Variants in CC2D1A observed in about 807,000 individuals in gnomAD.
The protein encoded by CC2D1A is coiled-coil and C2 domain containing 1A, also known as coiled-coil and C2 domain-containing protein 1A.
Under a neutral mutation model 123.8 loss-of-function variants are expected in CC2D1A, and 68 were observed. That is an observed-to-expected ratio of 0.55 (90% CI 0.45 to 0.67). The LOEUF is 0.67. Ranked by LOEUF, CC2D1A falls within the 30% of genes least tolerant of loss-of-function variation. The pLI is 0.00. For missense variants in CC2D1A, 1,185 were observed against 1,290.3 expected (o/e 0.92, Z 1.25); for synonymous variants, 477 against 528.0 (o/e 0.90, Z 1.32).
In CC2D1A at chr19:13,913,422, G is replaced by T. The variant is rs553083730; in HGVS notation, c.532G>T (p.Ala178Ser). The T allele has an allele frequency of 1.2e-6, 2 of 1,614,050 alleles. No homozygotes were observed. Among genetic ancestry groups the T allele is most frequent in the Middle Eastern group, 1.6e-4 (1 of 6,062 alleles). ...ATCTTAGACACTGGAAAACCTGCTC[G>T]CCTCCATCCGTAAGGGCAATGCCAT... ...RGLKTLENLLASIRKGNAIDE... is the reference protein window; with the variant it reads ...RGLKTLENLLSSIRKGNAIDE... The change falls in exon 6 of 29, where the codon GCC becomes TCC. Residue 178 changes from alanine (A) to serine (S), a missense_variant. By Grantham distance (99) the Ala-to-Ser change is moderately conservative (BLOSUM62 1). Transcript: ENST00000318003.
chr19:13,928,310 G>GGCACCC (rs1971730130), intron 24 of CC2D1A, 122 bp downstream of exon 24: 1 of 807,358 alleles, frequency 1.2e-6, no homozygotes, highest in Non-Finnish European at 2.0e-6. Flanking sequence ...AACCTTTCTT[G>GGCACCC]GCACCCCTTT....
rs765904831 is a variant in CC2D1A at position 13,923,321 on chromosome 19, C to T, written c.1642-12C>T. 18 of 1,599,438 alleles carry T rather than the reference C, an allele frequency of 1.1e-5. 1 individual carries two copies. The highest frequency in any genetic ancestry group is 1.1e-4 in the South Asian group (10 of 90,262). ...TCCTCCTTACCCCCGCCACCAGCCT[C>T]GTCCTCCCCAGGTGCCGCCTGCCCC... is the stretch of plus-strand genomic sequence containing the variant. On this transcript the variant is annotated splice_polypyrimidine_tract_variant and intron_variant, in intron 14 of 28. Transcript: ENST00000318003. The surrounding 1 kb of genome is among the most constrained non-coding windows in gnomAD (Gnocchi z 5.3).
chr19:13,923,559 C>T lies in CC2D1A; in HGVS notation c.1776C>T (p.Asn592=), dbSNP rs375438957. ...TTCTGTTTCCCCAGATGTGCCTGAA[C>T]CACTCAAACCAATTCACCCAGCTGG... The part of the protein sequence containing the change: ...LIRQQHEMCL[N]HSNQFTQLGN... Residue 592 remains asparagine, a synonymous_variant, in exon 16 of 29, where the codon AAC becomes AAT. Transcript: ENST00000318003. The surrounding 1 kb of genome is among the most constrained non-coding windows in gnomAD (Gnocchi z 5.3). The T allele has an allele frequency of 1.7e-5, 27 of 1,614,010 alleles. No individual in the cohort carries two copies. The highest frequency in any genetic ancestry group is 2.1e-5 in the Non-Finnish European group (25 of 1,180,042).
Position 13,906,217 on chromosome 19 carries a change from A to C in CC2D1A, c.-225A>C, listed in dbSNP as rs1167365211. The C allele has an allele frequency of 1.4e-5, 6 of 430,042 alleles. No individual in the cohort carries two copies. The highest frequency in any genetic ancestry group is 2.5e-5 in the Non-Finnish European group (6 of 242,294). The allele number at this position is 430,042 out of a possible 1,614,324, so 26.6% of individuals were successfully genotyped here. On this transcript the variant is annotated 5_prime_UTR_variant, in exon 1 of 29. Coordinates refer to ENST00000318003, the MANE Select transcript of CC2D1A (RefSeq NM_017721.5). This position sits in a 1 kb window ranked among gnomAD's most constrained non-coding sequence, Gnocchi z 4.1. ...CCGGGAGTTGTAGTTTCGGCTCGGC[A>C]GACCCGGCGAGCCCAGTGGCCGCGC...
At chr19:13,916,300 C>A (rs1378139083) in intron 6 of CC2D1A, among the ~76,000 whole-genome samples, 1 of 151,980 alleles carries the variant, frequency 6.6e-6, no homozygotes, top group Non-Finnish European at 1.5e-5. Flanking sequence ...TGTGGTGGCT[C>A]ACACCTATAA....
Position 13,906,525 on chromosome 19 carries a change from A to G in CC2D1A, c.60+24A>G. The G allele has an allele frequency of 6.9e-7, 1 of 1,456,540 alleles. No homozygotes were observed. The highest frequency in any genetic ancestry group is 9.0e-7 in the Non-Finnish European group (1 of 1,105,584). 90.2% of individuals were successfully genotyped at this position (1,456,540 alleles called of 1,614,324 possible). A position where few individuals can be genotyped will look rare whatever the true frequency, so the allele number is the denominator to read the frequency against. On this transcript the variant is annotated intron_variant, in intron 1 of 28. Coordinates refer to ENST00000318003, the MANE Select transcript of CC2D1A (RefSeq NM_017721.5). The surrounding 1 kb of genome is among the most constrained non-coding windows in gnomAD (Gnocchi z 4.1). ...AGGTGAGTTTGCGCCCCACGGCCCG[A>G]CCTGGGGATCCCTCCCCACCCCCGT...
intron 6 of CC2D1A, 53 bp from the exon 7 acceptor site, chr19:13,918,017 G>A (rs1385099596): frequency 2.0e-5 from 31 of 1,587,870 alleles, no homozygotes; most frequent in African/African-American, 4.1e-5. Context: ...TGGTTTACAC[G>A]GTGAACTTGG....
At chr19:13,916,564 C>CA (rs923382055) in intron 6 of CC2D1A, among the ~76,000 whole-genome samples, 3 of 151,506 alleles carry the variant, frequency 2.0e-5, no homozygotes, top group Non-Finnish European at 2.9e-5. Flanking sequence ...ACCCTGTCTC[C>CA]AAAAAAATAA....
Position 13,918,941 on chromosome 19 carries a change from G to C in CC2D1A, c.1048G>C (p.Glu350Gln). The change falls in exon 10 of 29, where the codon GAG becomes CAG. Residue 350 changes from glutamate (E) to glutamine (Q), a missense_variant. By Grantham distance (29) the Glu-to-Gln change is conservative. Coordinates refer to ENST00000318003, the MANE Select transcript of CC2D1A (RefSeq NM_017721.5). ...GCCCCCACCCCCGAGGACCCTGCTG[G>C]AGGCGCTGGAGCAGCGGATGGAGCG... Reference protein sequence around the residue: ...EVPPPPRTLLEALEQRMERYQ... With the variant: ...EVPPPPRTLLQALEQRMERYQ... The C allele has an allele frequency of 6.2e-7, 1 of 1,610,984 alleles. No individual in the cohort carries two copies. Among genetic ancestry groups the C allele is most frequent in the Non-Finnish European group, 8.5e-7 (1 of 1,178,408 alleles).
chr19:13,912,692 A>T, intron 4 of CC2D1A, 99 bp downstream of exon 4: 1 of 1,256,834 alleles, frequency 8.0e-7, no homozygotes, highest in South Asian at 1.2e-5. Context: ...TTGCTGTGTC[A>T]CCCAGGCTGG....
chr19:13,913,773 C>T (rs1971105707), intron 6 of CC2D1A, 135 bp downstream of exon 6: 1 of 631,468 alleles, frequency 1.6e-6, no homozygotes, highest in African/African-American at 1.8e-5. Flanking sequence ...CTTCAAGCCC[C>T]TGGAGTTCAT....
rs1970721111 is a variant in CC2D1A at position 13,906,253 on chromosome 19, C to T, written c.-189C>T. On this transcript the variant is annotated 5_prime_UTR_variant, in exon 1 of 29. Transcript: ENST00000318003. This position sits in a 1 kb window ranked among gnomAD's most constrained non-coding sequence, Gnocchi z 4.1. The stretch of plus-strand genomic sequence containing the variant: ...GCCCAGTGGCCGCGCTCCGGTGCGG[C>T]GGCGCCCGAGGCCCGAGGCGGAAGT... 7 of 459,130 alleles carry T rather than the reference C, an allele frequency of 1.5e-5. No homozygotes were observed. The Admixed American group carries it at 2.2e-4, about 14-fold the overall frequency. The allele number at this position is 459,130 out of a possible 1,614,324, so 28.4% of individuals were successfully genotyped here.
rs1346555268 is a variant in CC2D1A, at chr19:13,919,903, C to T, written c.1308C>T (p.Ala436=). 1.9e-6 allele frequency: 3 copies of T among 1,613,288 alleles called. No homozygotes were observed. The highest frequency in any genetic ancestry group is 3.5e-4 in the Middle Eastern group (2 of 5,668). Residue 436 remains alanine, a synonymous_variant, in exon 12 of 29, where the codon GCC becomes GCT. Coordinates refer to ENST00000318003, the MANE Select transcript of CC2D1A (RefSeq NM_017721.5). ...VGVLETAMKL[A]NQDEGPEDEE... is the part of the protein sequence containing the mutation. ...TCCTGGAGACTGCCATGAAGCTGGC[C>T]AACCAGGATGAAGGCCCAGAGGATG...
intron 6 of CC2D1A, among the ~76,000 whole-genome samples, chr19:13,916,088 C>T (rs1418919973): frequency 1.3e-5 from 2 of 151,920 alleles, no homozygotes; most frequent in Non-Finnish European, 2.9e-5. Context: ...GAGACCTCAT[C>T]TCTACTAAAA....
chr19:13,908,744 A>G (rs1443837243), intron 1 of CC2D1A, among the ~76,000 whole-genome samples: 1 of 152,206 alleles, frequency 6.6e-6, no homozygotes, highest in Non-Finnish European at 1.5e-5. Flanking sequence ...TTGAAGCCCA[A>G]CCTTCCCACA....
At chr19:13,924,909 C>T (rs759810711) in intron 17 of CC2D1A, among the ~76,000 whole-genome samples, 1 of 152,112 alleles carries the variant, frequency 6.6e-6, no homozygotes, top group Non-Finnish European at 1.5e-5. Flanking sequence ...CTCCTGTCCC[C>T]GCTTCACTCA....
chr19:13,923,535 T>C lies in CC2D1A; in HGVS notation c.1765-13T>C. ...CTTCCCTTCCCTCGACTCACTGCCT[T>C]CTGTTTCCCCAGATGTGCCTGAACC... On this transcript the variant is annotated splice_polypyrimidine_tract_variant and intron_variant, in intron 15 of 28. Coordinates refer to ENST00000318003, the MANE Select transcript of CC2D1A (RefSeq NM_017721.5). The surrounding 1 kb of genome is among the most constrained non-coding windows in gnomAD (Gnocchi z 5.3). 2 of 1,614,130 alleles carry C rather than the reference T, an allele frequency of 1.2e-6. No homozygotes were observed. Among genetic ancestry groups the C allele is most frequent in the Non-Finnish European group, 1.7e-6 (2 of 1,180,018 alleles).
At chr19:13,913,829 T>C (rs1314613695) in intron 6 of CC2D1A, among the ~76,000 whole-genome samples, 191 bp downstream of exon 6, 2 of 152,070 alleles carry the variant, frequency 1.3e-5, no homozygotes, top group South Asian at 2.1e-4. Context: ...GTTTTTTTTG[T>C]TGTTATTATG....
rs772661784 is a variant in CC2D1A at position 13,906,484 on chromosome 19, G to A, written c.43G>A (p.Ala15Thr). 51 of 1,501,318 alleles carry A rather than the reference G, an allele frequency of 3.4e-5. No homozygotes were observed. The highest frequency in any genetic ancestry group is 4.3e-5 in the Non-Finnish European group (48 of 1,128,840). 93.0% of individuals were successfully genotyped at this position (1,501,318 alleles called of 1,614,324 possible). The change falls in exon 1 of 29, where the codon GCC becomes ACC. Residue 15 changes from alanine (A) to threonine (T), a missense_variant. Ala to Thr is a moderately conservative substitution (Grantham distance 58). Coordinates refer to ENST00000318003, the MANE Select transcript of CC2D1A (RefSeq NM_017721.5). The surrounding 1 kb of genome is among the most constrained non-coding windows in gnomAD (Gnocchi z 4.1). ...ACCCCCGGGACCCCCGGGCAGAGGC[G>A]CCGCGGCCGCCCGCCAGGTGAGTTT... is the stretch of plus-strand genomic sequence containing the variant. ...KGPPGPPGRG[A>T]AAARQLGLLV... is the part of the protein sequence containing the mutation.
Sources: gnomAD v4.1 joint callset for allele counts (sites outside exome capture counted in the v4.1 genomes callset) on GRCh38, gnomAD v4.1.1 for gene constraint, Gnocchi (gnomAD v3.1) non-coding constraint, MANE v1.5 for transcripts, NCBI Gene and HGNC (gene_info 2026-07-23, HGNC 2026-07-21) for gene names.